Variants in XIRP2 observed in about 807,000 individuals in gnomAD.
XIRP2 encodes the protein xin actin binding repeat containing 2, also known as xin actin-binding repeat-containing protein 2.
In XIRP2, 236 loss-of-function variants were observed where a neutral mutation model predicts 277.0. That is an observed-to-expected ratio of 0.85 (90% confidence interval 0.77 to 0.95). The LOEUF (loss-of-function observed/expected upper bound fraction) is 0.95, where lower values mean the gene tolerates loss of function less well. Ranked by LOEUF, XIRP2 falls within the 40% of genes least tolerant of loss-of-function variation. The pLI is 0.00. For missense variants in XIRP2, 4,640 were observed against 4,157.5 expected (o/e 1.12, Z -3.19); for synonymous variants, 1,490 against 1,416.5 (o/e 1.05, Z -1.17).
At chr2:167,110,095 T>G (rs1558983282) in intron 2 of XIRP2, among the ~76,000 whole-genome samples, 1 of 152,210 alleles carries the variant, frequency 6.6e-6, no homozygotes, top group African/African-American at 2.4e-5. Flanking sequence ...ATGCATAGTT[T>G]GTAAATATTT....
chr2:167,188,190 A>T (rs1230375315), intron 3 of XIRP2, among the ~76,000 whole-genome samples: 1 of 152,176 alleles, frequency 6.6e-6, no homozygotes, highest in Non-Finnish European at 1.5e-5. Context: ...TACTTTAAAG[A>T]TATCATGCCC....
chr2:167,215,964 C>G (rs1409210566), intron 4 of XIRP2, among the ~76,000 whole-genome samples: 1 of 151,850 alleles, frequency 6.6e-6, no homozygotes, highest in Non-Finnish European at 1.5e-5. Context: ...ACAGAGCCCT[C>G]AGAAATAACG....
chr2:166,910,721 A>T (rs576751712), intron 2 of XIRP2, among the ~76,000 whole-genome samples: 73 of 152,002 alleles, frequency 4.8e-4, no homozygotes, highest in African/African-American at 1.8e-3. Flanking sequence ...TCAACTTTAG[A>T]TTTTTCCTGC....
intron 1 of XIRP2, among the ~76,000 whole-genome samples, chr2:166,896,856 T>C (rs1272787573): frequency 6.6e-6 from 1 of 152,162 alleles, no homozygotes; most frequent in East Asian, 1.9e-4. Flanking sequence ...ACATTTTATC[T>C]TTTATACTAT....
chr2:166,959,749 C>T (rs929276004), intron 2 of XIRP2, among the ~76,000 whole-genome samples: 4 of 151,566 alleles, frequency 2.6e-5, no homozygotes, highest in Admixed American at 6.6e-5. Context: ...AGAGTTTGAC[C>T]ACAAATTATT....
intron 5 of XIRP2, among the ~76,000 whole-genome samples, chr2:167,225,820 G>A (rs186652636): frequency 1.3e-5 from 2 of 152,120 alleles, no homozygotes; most frequent in East Asian, 3.9e-4. Flanking sequence ...CCAAATCTAG[G>A]CCCTTTAATC....
At chr2:167,049,095 A>G (rs1252668723) in intron 2 of XIRP2, among the ~76,000 whole-genome samples, 1 of 151,634 alleles carries the variant, frequency 6.6e-6, no homozygotes, top group Non-Finnish European at 1.5e-5. Flanking sequence ...AGCTTACTTC[A>G]ATGAGTTCTT....
intron 2 of XIRP2, among the ~76,000 whole-genome samples, chr2:166,904,352 C>G (rs1345671181): frequency 2.0e-5 from 3 of 152,152 alleles, no homozygotes; most frequent in Admixed American, 6.6e-5. Flanking sequence ...CTGCCATTAA[C>G]TTCTCTAGCT....
At chr2:167,126,743 C>T (rs1185004160) in intron 2 of XIRP2, among the ~76,000 whole-genome samples, 1 of 152,274 alleles carries the variant, frequency 6.6e-6, no homozygotes. Context: ...CTTCTCCCAA[C>T]TCCCATCCAT....
At chr2:167,192,132 T>C (rs1292479827) in intron 3 of XIRP2, among the ~76,000 whole-genome samples, 1 of 152,212 alleles carries the variant, frequency 6.6e-6, no homozygotes, top group Non-Finnish European at 1.5e-5. Context: ...AAGTTTAATG[T>C]GGACTGAATA....
intron 2 of XIRP2, among the ~76,000 whole-genome samples, chr2:166,931,715 A>G (rs1685342777): frequency 6.6e-6 from 1 of 152,012 alleles, no homozygotes; most frequent in Admixed American, 6.6e-5. Context: ...ACTTTATTCA[A>G]TTTTTGAATA....
In XIRP2 at chr2:167,251,252, C is replaced by T. The variant is rs1695491585; in HGVS notation, c.9860C>T (p.Thr3287Ile). ...TCCACTGATCACATGGTGCCCGACACTGAAAGTTATGATGCAGTTGAAATC... is the reference window on the plus strand; with the variant it reads ...TCCACTGATCACATGGTGCCCGACATTGAAAGTTATGATGCAGTTGAAATC... ...LNSTDHMVPD[T>I]ESYDAVEIIR... is the part of the protein sequence containing the mutation. Residue 3287 changes from threonine to isoleucine, a missense_variant, in exon 9 of 11, where the codon ACT becomes ATT. Physicochemically the swap from Thr to Ile is moderately conservative, Grantham distance 89. Coordinates refer to ENST00000409195, the MANE Select transcript of XIRP2 (RefSeq NM_152381.6). 8.1e-6 allele frequency: 13 copies of T among 1,613,610 alleles called. No individual in the cohort carries two copies. Among genetic ancestry groups the T allele is most frequent in the Non-Finnish European group, 1.1e-5 (13 of 1,179,716 alleles).
At chr2:166,901,245 T>C (rs1667379821) in intron 1 of XIRP2, among the ~76,000 whole-genome samples, 1 of 152,070 alleles carries the variant, frequency 6.6e-6, no homozygotes, top group South Asian at 2.1e-4. Context: ...CCACCAGTTC[T>C]TTATATATGA....
At chr2:167,024,146 T>G (rs1203386378) in intron 2 of XIRP2, among the ~76,000 whole-genome samples, 2 of 152,124 alleles carry the variant, frequency 1.3e-5, no homozygotes, top group Non-Finnish European at 2.9e-5. Context: ...TGGTTTGTAG[T>G]TCTCCTTGAA....
At chr2:166,988,728 C>T (rs1687087221) in intron 2 of XIRP2, among the ~76,000 whole-genome samples, 1 of 77,924 alleles carries the variant, frequency 1.3e-5, no homozygotes, top group Non-Finnish European at 2.5e-5. Context: ...AATCGGGTCA[C>T]TCCCACCCGA....
chr2:167,087,109 A>C (rs1689975187), intron 2 of XIRP2, among the ~76,000 whole-genome samples: 1 of 152,032 alleles, frequency 6.6e-6, no homozygotes, highest in Non-Finnish European at 1.5e-5. Context: ...GGTGATGTAC[A>C]CATGGGTTTT....
intron 2 of XIRP2, among the ~76,000 whole-genome samples, chr2:166,934,195 C>CAAAAAAAAA (rs750753001): frequency 1.1e-4 from 8 of 71,562 alleles, no homozygotes; most frequent in South Asian, 5.6e-4. Context: ...AAATCAACAG[C>CAAAAAAAAA]AAAAAAAAAA....
At chr2:166,898,515 T>G (rs2105331895) in intron 1 of XIRP2, among the ~76,000 whole-genome samples, 1 of 152,268 alleles carries the variant, frequency 6.6e-6, no homozygotes, top group South Asian at 2.1e-4. Flanking sequence ...TTGAAATAAT[T>G]ATAGATTCAT....
chr2:167,036,160 C>A (rs1287452403), intron 2 of XIRP2, among the ~76,000 whole-genome samples: 1 of 152,152 alleles, frequency 6.6e-6, no homozygotes, highest in African/African-American at 2.4e-5. Flanking sequence ...AGGTTGGAGC[C>A]CCCATACAGA....
Sources: allele counts gnomAD v4.1 joint callset (sites outside exome capture counted in the v4.1 genomes callset), GRCh38; gene constraint gnomAD v4.1.1; transcripts MANE v1.5; gene names NCBI Gene and HGNC (gene_info 2026-07-23, HGNC 2026-07-21).